Variants in WWOX observed in about 807,000 individuals in gnomAD.
WWOX encodes WW domain-containing oxidoreductase.
Under a neutral mutation model 46.2 loss-of-function variants are expected in WWOX, and 69 were observed. The observed-to-expected ratio is 1.49, with a 90% confidence interval of 1.23 to 1.82. The LOEUF (loss-of-function observed/expected upper bound fraction) is 1.82, where lower values mean the gene tolerates loss of function less well. WWOX is among the 40% of genes most tolerant of loss of function. The pLI is 0.00. For missense variants in WWOX, 919 were observed against 542.6 expected, an observed-to-expected ratio of 1.69 and a Z score of -6.89; for synonymous variants, 359 against 202.6, an observed-to-expected ratio of 1.77 and a Z score of -6.56.
chr16:78,164,044 G>C (rs2034885255), intron 4 of WWOX, 139 bp from the exon 5 acceptor site: 1 of 793,454 alleles, frequency 1.3e-6, no homozygotes, highest in African/African-American at 1.7e-5. Flanking sequence ...CCAGACATTT[G>C]CTTCTGTCCC....
At chr16:78,100,066 G>A (rs1219658376) in intron 1 of WWOX, 181 bp downstream of exon 1, 1 of 1,399,630 alleles carries the variant, frequency 7.1e-7, no homozygotes, top group African/African-American at 1.5e-5. Context: ...CCCTTGGTGG[G>A]CCTCGGGTCC....
At chr16:78,751,406 T>A (rs931683558) in intron 8 of WWOX, among the ~76,000 whole-genome samples, 1 of 146,174 alleles carries the variant, frequency 6.8e-6, no homozygotes, top group Non-Finnish European at 1.5e-5. Context: ...ACTGTAAGAA[T>A]TTATCAGATT....
chr16:78,685,844 G>T (rs750230511), intron 8 of WWOX, among the ~76,000 whole-genome samples: 1 of 151,246 alleles, frequency 6.6e-6, no homozygotes, highest in African/African-American at 2.4e-5. Context: ...GATTATTGTT[G>T]AGGGAAAGAT....
chr16:78,814,037 C>G (rs1230316893), intron 8 of WWOX, among the ~76,000 whole-genome samples: 1 of 152,092 alleles, frequency 6.6e-6, no homozygotes, highest in East Asian at 1.9e-4. Flanking sequence ...CTTTTCTTTC[C>G]TTGCTGAATA....
chr16:78,635,834 C>T (rs113810975), intron 8 of WWOX, among the ~76,000 whole-genome samples: 5 of 152,214 alleles, frequency 3.3e-5, no homozygotes, highest in African/African-American at 4.8e-5. Context: ...CAGAAGTTGG[C>T]GTTTCCTTGC....
Position 78,144,429 on chromosome 16 carries a change from C to CTATATATATATATATACGTG in WWOX, c.410-19738_410-19737insCGTGTATATATATATATATA, listed in dbSNP as rs1300458731. Among the ~76,000 whole-genome samples the CTATATATATATATATACGTG allele has an allele frequency of 2.1e-3, 32 of 15,390 alleles. 3 individuals are homozygous for CTATATATATATATATACGTG. The highest frequency in any genetic ancestry group is 3.8e-3 in the African/African-American group (14 of 3,666). The allele number at this position is 15,390 out of a possible 152,430, so 10.1% of individuals were successfully genotyped here. ...GGTGCAAACGTGGTTTTTGCCATTA[C>CTATATATATATATATACGTG]TATATATATATATATATACACATAT... On this transcript the variant is annotated intron_variant, in intron 4 of 8. Coordinates refer to ENST00000566780, the MANE Select transcript of WWOX (RefSeq NM_016373.4).
intron 5 of WWOX, among the ~76,000 whole-genome samples, chr16:78,299,521 C>CTTTTCT (rs2080002856): frequency 1.4e-5 from 2 of 141,842 alleles, no homozygotes; most frequent in African/African-American, 5.2e-5. Flanking sequence ...CTTTTCTTTT[C>CTTTTCT]TTTTTTTTTT....
intron 8 of WWOX, among the ~76,000 whole-genome samples, chr16:79,138,143 G>A (rs921152427): frequency 4.6e-5 from 7 of 152,254 alleles, no homozygotes; most frequent in East Asian, 3.9e-4. Context: ...AGAATACTGC[G>A]TGTGCCTTCA....
intron 8 of WWOX, among the ~76,000 whole-genome samples, chr16:78,979,316 T>A (rs1436074002): frequency 6.6e-6 from 1 of 152,032 alleles, no homozygotes; most frequent in Admixed American, 6.6e-5. Flanking sequence ...ACCTTTATAG[T>A]TTTTTTTCTA....
intron 8 of WWOX, among the ~76,000 whole-genome samples, chr16:78,482,468 C>G (rs757160172): frequency 4.6e-5 from 7 of 152,212 alleles, no homozygotes; most frequent in Non-Finnish European, 1.0e-4. Flanking sequence ...GGTGATCTGA[C>G]TGCCTTGGCC....
intron 8 of WWOX, among the ~76,000 whole-genome samples, chr16:78,727,746 C>G (rs2048870321): frequency 6.6e-6 from 1 of 152,052 alleles, no homozygotes; most frequent in Admixed American, 6.6e-5. Flanking sequence ...GGGGATTGGA[C>G]TCCATGGGAG....
chr16:78,712,942 C>G (rs536360092), intron 8 of WWOX, among the ~76,000 whole-genome samples: 2 of 151,986 alleles, frequency 1.3e-5, no homozygotes, highest in Non-Finnish European at 2.9e-5. Flanking sequence ...TCAGAGGTCT[C>G]AAGAGGCAGG....
At chr16:78,699,894 T>C (rs760657421) in intron 8 of WWOX, among the ~76,000 whole-genome samples, 6 of 152,282 alleles carry the variant, frequency 3.9e-5, no homozygotes, top group South Asian at 2.1e-4. Flanking sequence ...TCATGGAGAC[T>C]GGCATTGTCC....
intron 8 of WWOX, among the ~76,000 whole-genome samples, chr16:78,622,478 G>A (rs550547235): frequency 7.0e-4 from 107 of 152,014 alleles, no homozygotes; most frequent in African/African-American, 2.6e-3. Context: ...GGAGACGGGG[G>A]TTGCAGGGAG....
intron 8 of WWOX, among the ~76,000 whole-genome samples, chr16:78,684,740 C>T (rs911433304): frequency 1.3e-5 from 2 of 152,072 alleles, no homozygotes; most frequent in Admixed American, 6.6e-5. Context: ...TTTAGTGGGA[C>T]GCATCATACT....
At chr16:79,030,424 A>G (rs1261093974) in intron 8 of WWOX, among the ~76,000 whole-genome samples, 2 of 152,058 alleles carry the variant, frequency 1.3e-5, no homozygotes, top group African/African-American at 2.4e-5. Context: ...TTTTTTCCCA[A>G]AGTGTTCTCC....
At chr16:79,063,349 G>A (rs922977629) in intron 8 of WWOX, among the ~76,000 whole-genome samples, 3 of 152,140 alleles carry the variant, frequency 2.0e-5, no homozygotes, top group Admixed American at 6.5e-5. Flanking sequence ...ATTTCCTGGC[G>A]TGCGTATCTT....
intron 8 of WWOX, among the ~76,000 whole-genome samples, chr16:79,198,716 AC>A (rs1955403241): frequency 6.6e-6 from 1 of 152,224 alleles, no homozygotes. Flanking sequence ...AGGTTGCTTA[AC>A]TTTTCTGGAC....
At chr16:79,111,273 T>C (rs1414226763) in intron 8 of WWOX, among the ~76,000 whole-genome samples, 1 of 152,266 alleles carries the variant, frequency 6.6e-6, no homozygotes, top group African/African-American at 2.4e-5. Context: ...GGTGACACTG[T>C]ATCTGCAGAT....
Sources: allele counts gnomAD v4.1 joint callset (sites outside exome capture counted in the v4.1 genomes callset), GRCh38; gene constraint gnomAD v4.1.1; transcripts MANE v1.5; gene names NCBI Gene and HGNC (gene_info 2026-07-23, HGNC 2026-07-21).